The following TNR variants were observed in gnomAD, a reference collection of about 807,000 sequenced individuals.
The protein encoded by TNR is tenascin-R.
A neutral mutation model predicts 150.4 loss-of-function variants in TNR; 45 were observed. The ratio of observed to expected loss-of-function variants is 0.30; its 90% CI spans 0.24 to 0.38. The LOEUF is 0.38. Ranked by LOEUF, TNR falls within the 10% of genes least tolerant of loss-of-function variation. The pLI is 1.00. For synonymous variants in TNR, 687 were observed against 678.4 expected (o/e 1.01, Z -0.20); for missense variants, 1,544 against 1,759.1 (o/e 0.88, Z 2.19).
chr1:175,699,003 G>A (rs894445305), intron 1 of TNR, among the ~76,000 whole-genome samples: 4 of 152,164 alleles, frequency 2.6e-5, no homozygotes, highest in African/African-American at 7.2e-5. Flanking sequence ...GAGTGGGCAG[G>A]CAAGATCAGA....
intron 7 of TNR, among the ~76,000 whole-genome samples, chr1:175,386,924 C>T (rs142462968): frequency 7.9e-5 from 12 of 152,322 alleles, no homozygotes; most frequent in African/African-American, 2.9e-4. Context: ...AAAAGGACCC[C>T]AGCTTCGGAA....
intron 1 of TNR, among the ~76,000 whole-genome samples, chr1:175,688,664 C>A (rs929597615): frequency 2.0e-5 from 3 of 152,202 alleles, no homozygotes; most frequent in Admixed American, 6.5e-5. Flanking sequence ...TTGCCACTAG[C>A]AATCCCTAAA....
chr1:175,354,342 A>C (rs768328612), intron 18 of TNR, 49 bp downstream of exon 18: 1 of 1,601,308 alleles, frequency 6.2e-7, no homozygotes, highest in South Asian at 1.1e-5. Flanking sequence ...TGATGAGCCA[A>C]ACATCAGGAA....
chr1:175,521,628 C>T (rs1659642385), intron 2 of TNR, among the ~76,000 whole-genome samples: 1 of 152,186 alleles, frequency 6.6e-6, no homozygotes, highest in Non-Finnish European at 1.5e-5. Context: ...TTTCTCTTCT[C>T]TTTCATCTCC....
At chr1:175,705,892 C>G (rs905904625) in intron 1 of TNR, among the ~76,000 whole-genome samples, 1 of 152,128 alleles carries the variant, frequency 6.6e-6, no homozygotes, top group African/African-American at 2.4e-5. Flanking sequence ...ACTTCTTCAG[C>G]CTGTGATTGT....
At chr1:175,474,301 A>G (rs532546008) in intron 2 of TNR, among the ~76,000 whole-genome samples, 1 of 152,288 alleles carries the variant, frequency 6.6e-6, no homozygotes, top group African/African-American at 2.4e-5. Context: ...TGAGGCCATT[A>G]GGGTGGGCCC....
intron 1 of TNR, among the ~76,000 whole-genome samples, chr1:175,571,823 A>G (rs994118305): frequency 6.6e-6 from 1 of 152,188 alleles, no homozygotes; most frequent in Non-Finnish European, 1.5e-5. Flanking sequence ...TTCAGAGGCC[A>G]AGTTCCAAAA....
rs540280607 is a variant in TNR, at chr1:175,385,789, T to C, written c.1777+243A>G. On this transcript the variant is annotated intron_variant, in intron 8 of 22. Coordinates refer to ENST00000367674, the MANE Select transcript of TNR (RefSeq NM_003285.3). ...GGCCCATAGTGGGGAAGGATTTATA[T>C]CAAGCACAGATCTGGTTGCCAGTAG... Among the ~76,000 whole-genome samples, 5 of 152,276 alleles carry C rather than the reference T, an allele frequency of 3.3e-5. No homozygotes were observed. In the East Asian group the frequency reaches 9.7e-4, roughly 29 times the overall value.
At chr1:175,649,347 C>T (rs919248211) in intron 1 of TNR, among the ~76,000 whole-genome samples, 9 of 152,178 alleles carry the variant, frequency 5.9e-5, no homozygotes, top group African/African-American at 2.2e-4. Context: ...TTTAAAGAAC[C>T]CCTGCCTGCA....
Position 175,592,504 on chromosome 1 carries a change from G to A in TNR, c.-164-64135C>T, listed in dbSNP as rs146330052. On this transcript the variant is annotated intron_variant, in intron 1 of 22. Transcript: ENST00000367674. ...AGCCTGACTGAGGGACCCCTGGCTC[G>A]AGGAGCCGGAGGCTCTCTCACTTTT... Among the ~76,000 whole-genome samples, 67 of 151,332 alleles carry A rather than the reference G, an allele frequency of 4.4e-4. No individual in the cohort carries two copies. The East Asian group carries it at 0.01, about 23-fold the overall frequency.
intron 18 of TNR, among the ~76,000 whole-genome samples, chr1:175,349,286 C>T (rs1557878228): frequency 1.3e-5 from 2 of 152,176 alleles, no homozygotes; most frequent in African/African-American, 2.4e-5. Context: ...TGGACATGTA[C>T]AAAGTATTTA....
intron 1 of TNR, among the ~76,000 whole-genome samples, chr1:175,700,725 C>T (rs547240966): frequency 6.6e-6 from 1 of 152,134 alleles, no homozygotes; most frequent in South Asian, 2.1e-4. Context: ...GAATCAGGGG[C>T]CCTCTTGGGT....
At chr1:175,455,417 T>C (rs1441165891) in intron 2 of TNR, among the ~76,000 whole-genome samples, 1 of 152,262 alleles carries the variant, frequency 6.6e-6, no homozygotes, top group Non-Finnish European at 1.5e-5. Flanking sequence ...AGCATCTAGC[T>C]TCTTATAGGG....
At chr1:175,555,118 G>C (rs1661100311) in intron 1 of TNR, among the ~76,000 whole-genome samples, 1 of 152,184 alleles carries the variant, frequency 6.6e-6, no homozygotes, top group South Asian at 2.1e-4. Context: ...AAGAGGGAAT[G>C]GTAGATGTCA....
chr1:175,622,988 C>T (rs899684125), intron 1 of TNR, among the ~76,000 whole-genome samples: 1 of 152,128 alleles, frequency 6.6e-6, no homozygotes, highest in Non-Finnish European at 1.5e-5. Context: ...CCAGTATGAC[C>T]CCATCCTAAT....
intron 1 of TNR, among the ~76,000 whole-genome samples, chr1:175,531,283 C>G (rs558862835): frequency 2.6e-5 from 4 of 152,288 alleles, no homozygotes; most frequent in Non-Finnish European, 4.4e-5. Flanking sequence ...GATATAAACA[C>G]GCATTACCTC....
At chr1:175,366,252 G>C in intron 10 of TNR, 114 bp from the exon 11 acceptor site, 1 of 1,111,618 alleles carries the variant, frequency 9.0e-7, no homozygotes, top group South Asian at 1.9e-5. Flanking sequence ...ATGAGCACTA[G>C]CTTGTCATTG....
intron 18 of TNR, among the ~76,000 whole-genome samples, chr1:175,348,395 G>A (rs1033973470): frequency 1.3e-5 from 2 of 152,118 alleles, no homozygotes; most frequent in East Asian, 1.9e-4. Context: ...TTGAGGGGGG[G>A]ACTTGATAAA....
At chr1:175,500,140 C>A in intron 2 of TNR, among the ~76,000 whole-genome samples, 1 of 152,160 alleles carries the variant, frequency 6.6e-6, no homozygotes. Flanking sequence ...AGCTCAAAGG[C>A]TGACTTTTCA....
Sources: gnomAD v4.1 joint callset for allele counts (sites outside exome capture counted in the v4.1 genomes callset) on GRCh38, gnomAD v4.1.1 for gene constraint, MANE v1.5 for transcripts, NCBI Gene and HGNC (gene_info 2026-07-23, HGNC 2026-07-21) for gene names.